Variants in RTN1 observed in about 807,000 individuals in gnomAD.
RTN1 encodes the protein reticulon 1, also known as reticulon-1.
A neutral mutation model predicts 65.5 loss-of-function variants in RTN1; 25 were observed. That is an observed-to-expected ratio of 0.38 (90% CI 0.28 to 0.53). The LOEUF is 0.53. Ranked by LOEUF, RTN1 falls within the 20% of genes least tolerant of loss-of-function variation. RTN1 has a pLI of 0.79. For missense variants in RTN1, 983 were observed against 1,025.4 expected (o/e 0.96, Z 0.57); for synonymous variants, 471 against 447.6 (o/e 1.05, Z -0.66).
intron 1 of RTN1, among the ~76,000 whole-genome samples, chr14:59,855,889 G>A (rs1296289602): frequency 1.3e-5 from 2 of 152,180 alleles, no homozygotes; most frequent in African/African-American, 4.8e-5. Context: ...GGGCATGGAG[G>A]TGGGACCTCA....
chr14:59,750,423 A>AT (rs1566713844), intron 1 of RTN1, among the ~76,000 whole-genome samples: 39 of 63,660 alleles, frequency 6.1e-4, no homozygotes, highest in Admixed American at 8.9e-4. Flanking sequence ...TATAATATAT[A>AT]ATATATCTAT....
At chr14:59,698,600 C>A (rs928406993) in intron 3 of RTN1, among the ~76,000 whole-genome samples, 2 of 152,168 alleles carry the variant, frequency 1.3e-5, no homozygotes, top group African/African-American at 4.8e-5. Flanking sequence ...CACAAGCTCT[C>A]TCTCTTTGCC....
chr14:59,742,074 T>C (rs1232536732), intron 2 of RTN1, among the ~76,000 whole-genome samples: 1 of 152,238 alleles, frequency 6.6e-6, no homozygotes, highest in Non-Finnish European at 1.5e-5. Flanking sequence ...CCAGTGCATG[T>C]CTGATGTATA....
intron 3 of RTN1, among the ~76,000 whole-genome samples, chr14:59,718,610 C>T (rs765840811): frequency 6.6e-6 from 1 of 152,080 alleles, no homozygotes; most frequent in Non-Finnish European, 1.5e-5. Flanking sequence ...ATCACCATCA[C>T]CTAAATATAT....
rs1054778230 is a variant in RTN1, at chr14:59,596,514, A to T, written c.*231T>A. 1 of 339,810 alleles carries T rather than the reference A, an allele frequency of 2.9e-6. No individual in the cohort carries two copies. Among genetic ancestry groups the T allele is most frequent in the Non-Finnish European group, 5.4e-6 (1 of 186,496 alleles). The allele number at this position is 339,810 out of a possible 1,614,324, so 21.0% of individuals were successfully genotyped here. ...GCACTTTTTTTAGCAACACAAAATT[A>T]AAAACCACATCTAATACACTTTTCT... On this transcript the variant is annotated 3_prime_UTR_variant, in exon 9 of 9. Transcript: ENST00000267484.
intron 3 of RTN1, among the ~76,000 whole-genome samples, chr14:59,623,521 G>A (rs548050601): frequency 6.6e-6 from 1 of 152,306 alleles, no homozygotes; most frequent in African/African-American, 2.4e-5. Context: ...AGGAAAAGAC[G>A]GGCTTTGGAA....
intron 1 of RTN1, among the ~76,000 whole-genome samples, chr14:59,818,819 C>T (rs1886868694): frequency 6.6e-6 from 1 of 152,230 alleles, no homozygotes; most frequent in South Asian, 2.1e-4. Flanking sequence ...GCAACCTCAG[C>T]GACATCTGCT....
At chr14:59,637,979 G>A (rs1028478718) in intron 3 of RTN1, among the ~76,000 whole-genome samples, 2 of 151,820 alleles carry the variant, frequency 1.3e-5, no homozygotes, top group African/African-American at 4.8e-5. Flanking sequence ...AGCCTCCCAA[G>A]TTGCTGGGAC....
At chr14:59,837,045 A>ATATATATATATT (rs141708359) in intron 1 of RTN1, among the ~76,000 whole-genome samples, 177 of 151,714 alleles carry the variant, frequency 1.2e-3, no homozygotes, top group Admixed American at 2.4e-3. Context: ...ATATATATAT[A>ATATATATATATT]AAAGGAGAAA....
At chr14:59,840,557 A>C (rs536460273) in intron 1 of RTN1, among the ~76,000 whole-genome samples, 1 of 152,348 alleles carries the variant, frequency 6.6e-6, no homozygotes, top group Admixed American at 6.5e-5. Flanking sequence ...TCTGAAAAGC[A>C]CTTAGTATAT....
At chr14:59,745,350 C>T (rs111303100) in intron 2 of RTN1, among the ~76,000 whole-genome samples, 2,558 of 152,176 alleles carry the variant, frequency 0.017, 73 homozygotes, top group African/African-American at 0.059. Context: ...AGATCCTAGC[C>T]GAAAGCTAAC....
rs1015859668 is a variant in RTN1, at chr14:59,825,597, C to T, written c.241+44793G>A. Reference sequence around the variant, plus strand: ...TTCCAGCTGGCCACAGCAGGGCCTTCTCCCAGAAGCACCCCTGCTGGAAGG... The same window carrying T: ...TTCCAGCTGGCCACAGCAGGGCCTTTTCCCAGAAGCACCCCTGCTGGAAGG... On this transcript the variant is annotated intron_variant, in intron 1 of 8. Coordinates refer to ENST00000267484, the MANE Select transcript of RTN1 (RefSeq NM_021136.3). This position sits in a 1 kb window ranked among gnomAD's most constrained non-coding sequence, Gnocchi z 4.2. 1.3e-5 allele frequency among the ~76,000 whole-genome samples: 2 copies of T among 152,242 alleles called. No homozygotes were observed. Among genetic ancestry groups the T allele is most frequent in the Middle Eastern group, 3.2e-3 (1 of 314 alleles).
intron 3 of RTN1, among the ~76,000 whole-genome samples, chr14:59,723,486 G>A (rs1011535943): frequency 1.3e-5 from 2 of 151,822 alleles, no homozygotes; most frequent in African/African-American, 2.4e-5. Context: ...TGGTGGTGGT[G>A]GGCGCCTGTA....
Position 59,846,865 on chromosome 14 carries a change from T to C in RTN1, c.241+23525A>G, listed in dbSNP as rs778684681. On this transcript the variant is annotated intron_variant, in intron 1 of 8. Transcript: ENST00000267484. This position sits in a 1 kb window ranked among gnomAD's most constrained non-coding sequence, Gnocchi z 4.8. ...GAAGCAGCCACTTTGATGAGACTGATTTTGCTTGAGAACCAGGAATAATCT... is the reference window on the plus strand; with the variant it reads ...GAAGCAGCCACTTTGATGAGACTGACTTTGCTTGAGAACCAGGAATAATCT... 3.3e-5 allele frequency among the ~76,000 whole-genome samples: 5 copies of C among 152,104 alleles called. No individual in the cohort carries two copies. The highest frequency in any genetic ancestry group is 4.8e-5 in the African/African-American group (2 of 41,424).
chr14:59,665,223 G>A (rs1391270903), intron 3 of RTN1, among the ~76,000 whole-genome samples: 2 of 152,122 alleles, frequency 1.3e-5, no homozygotes, highest in African/African-American at 2.4e-5. Flanking sequence ...GGGAAGCCCA[G>A]CAGACTAACA....
chr14:59,604,085 TC>T, intron 5 of RTN1, 164 bp from the exon 6 acceptor site: 1 of 478,996 alleles, frequency 2.1e-6, no homozygotes, highest in East Asian at 3.5e-5. Context: ...TGAAAGAGGA[TC>T]CAGTCCTTAG....
At chr14:59,656,814 A>T (rs1883131401) in intron 3 of RTN1, among the ~76,000 whole-genome samples, 1 of 152,190 alleles carries the variant, frequency 6.6e-6, no homozygotes, top group Non-Finnish European at 1.5e-5. Context: ...ATTTCCACCA[A>T]ACACAGGCAT....
intron 1 of RTN1, among the ~76,000 whole-genome samples, chr14:59,820,255 TGA>T: frequency 6.6e-6 from 1 of 152,000 alleles, no homozygotes; most frequent in Non-Finnish European, 1.5e-5. Flanking sequence ...TTTTGCTTGT[TGA>T]TTTGTTTATG....
In RTN1 at chr14:59,750,232, A is replaced by ATATAATATATATTATATCTATAATATAT. The variant is rs1566713394; in HGVS notation, c.242-3752_242-3751insATATATTATAGATATAATATATATTATA. On this transcript the variant is annotated intron_variant, in intron 1 of 8. Transcript: ENST00000267484. ...ATAATATATATATTATATCTATAAT[A>ATATAATATATATTATATCTATAATATAT]TATATATTATATCTATAATATATAA... is the stretch of plus-strand genomic sequence containing the variant. Among the ~76,000 whole-genome samples the ATATAATATATATTATATCTATAATATAT allele has an allele frequency of 1.7e-3, 45 of 27,254 alleles. 3 individuals are homozygous for ATATAATATATATTATATCTATAATATAT. The highest frequency in any genetic ancestry group is 5.7e-3 in the East Asian group (5 of 880). The allele number at this position is 27,254 out of a possible 152,430, so 17.9% of individuals were successfully genotyped here.
Sources: gnomAD v4.1 joint callset for allele counts (sites outside exome capture counted in the v4.1 genomes callset) on GRCh38, gnomAD v4.1.1 for gene constraint, Gnocchi (gnomAD v3.1) non-coding constraint, MANE v1.5 for transcripts, NCBI Gene and HGNC (gene_info 2026-07-23, HGNC 2026-07-21) for gene names.